Variants in AARS1 observed in about 807,000 individuals in gnomAD.
AARS1 encodes alanyl-tRNA synthetase 1.
Under a neutral mutation model 108.9 loss-of-function variants are expected in AARS1, and 72 were observed. The ratio of observed to expected loss-of-function variants is 0.66; its 90% CI spans 0.55 to 0.80. The LOEUF is 0.80. AARS1 is among the 30% of genes least tolerant of loss of function. The pLI is 0.00. For synonymous variants in AARS1, 489 were observed against 465.7 expected, an observed-to-expected ratio of 1.05 and a Z score of -0.64; for missense variants, 1,193 against 1,233.2, an observed-to-expected ratio of 0.97 and a Z score of 0.49.
chr16:70,268,379 T>C lies in AARS1; in HGVS notation c.963A>G (p.Gly321=), dbSNP rs775592737. 9.9e-6 allele frequency: 16 copies of C among 1,613,960 alleles called. No individual in the cohort carries two copies. The East Asian group carries it at 2.9e-4, about 29-fold the overall frequency. ...DGGRPDNTGR[G]YVLRRILRRA... ...GGCGGAGAATCCGTCTCAACACATA[T>C]CTGTAAGAGGCAAAAACTAGTCCCC... Residue 321 remains glycine (G), a splice_region_variant and synonymous_variant, in exon 8 of 21, where the codon GGA becomes GGG. Transcript: ENST00000261772.
intron 9 of AARS1, among the ~76,000 whole-genome samples, chr16:70,266,116 A>G (rs950864814): frequency 6.6e-6 from 1 of 152,112 alleles, no homozygotes. Context: ...GATCGAGACC[A>G]TCTTGGCCAA....
intron 6 of AARS1, 42 bp from the exon 7 acceptor site, chr16:70,269,805 T>C: frequency 1.2e-6 from 2 of 1,612,858 alleles, no homozygotes; most frequent in Non-Finnish European, 1.7e-6. Flanking sequence ...GGAAGCAGAC[T>C]TTCTGGCGCT....
In AARS1 at chr16:70,271,958, T is replaced by G; in HGVS notation, c.494A>C (p.Lys165Thr). 3 of 1,614,000 alleles carry G rather than the reference T, an allele frequency of 1.9e-6. No individual in the cohort carries two copies. The highest frequency in any genetic ancestry group is 2.5e-6 in the Non-Finnish European group (3 of 1,179,998). Reference sequence around the variant, plus strand: ...ATCCTTCATGTTGCCTGGGAGGATTTTGGTGTCATCCAGCCTGACAAAGGA... The same window carrying G: ...ATCCTTCATGTTGCCTGGGAGGATTGTGGTGTCATCCAGCCTGACAAAGGA... ...IWQNLGLDDT[K>T]ILPGNMKDNF... The change falls in exon 5 of 21, where the codon AAA (lysine) becomes ACA (threonine). Residue 165 changes from lysine to threonine, a missense_variant. Physicochemically the swap from Lys to Thr is moderately conservative, Grantham distance 78. Transcript: ENST00000261772.
chr16:70,272,074 G>C, intron 4 of AARS1, 102 bp from the exon 5 acceptor site: 3 of 1,081,136 alleles, frequency 2.8e-6, no homozygotes, highest in Non-Finnish European at 4.2e-6. Flanking sequence ...GCCGGGCACA[G>C]TGGCTCATGT....
chr16:70,266,443 C>G (rs1251973984), intron 9 of AARS1, among the ~76,000 whole-genome samples: 1 of 151,918 alleles, frequency 6.6e-6, no homozygotes, highest in Admixed American at 6.5e-5. Context: ...TTGCAGTGAG[C>G]TGAGATCACA....
At chr16:70,261,305 G>A (rs567080177) in intron 12 of AARS1, 148 bp from the exon 13 acceptor site, 2 of 581,244 alleles carry the variant, frequency 3.4e-6, no homozygotes, top group Non-Finnish European at 3.1e-6. Flanking sequence ...CATTAAATAT[G>A]ATTAAATAGG....
chr16:70,282,564 G>A, intron 2 of AARS1, 56 bp downstream of exon 2: 1 of 1,604,468 alleles, frequency 6.2e-7, no homozygotes, highest in Non-Finnish European at 8.5e-7. Flanking sequence ...GCTTTTATCT[G>A]GGCTCTGCTG....
chr16:70,281,550 C>T (rs1019518226), intron 2 of AARS1, among the ~76,000 whole-genome samples: 1 of 152,120 alleles, frequency 6.6e-6, no homozygotes, highest in South Asian at 2.1e-4. Context: ...CTTGTAGTTC[C>T]AGCTACTTCG....
At chr16:70,266,088 CG>C (rs1419422212) in intron 9 of AARS1, among the ~76,000 whole-genome samples, 1 of 151,946 alleles carries the variant, frequency 6.6e-6, no homozygotes, top group Non-Finnish European at 1.5e-5. Flanking sequence ...CCGAGGCGGG[CG>C]GATCAGGAGG....
chr16:70,258,188 T>C lies in AARS1; in HGVS notation c.2022A>G (p.Ala674=), dbSNP rs1344311047. ...KAVYTQDCPL[A]AAKAIQGLRA... is the part of the protein sequence containing the mutation. ...GTAGGCCCTGGATGGCTTTCGCTGCTGCCAGGGGGCAATCCTGGGTATAGA... is the reference window on the plus strand; with the variant it reads ...GTAGGCCCTGGATGGCTTTCGCTGCCGCCAGGGGGCAATCCTGGGTATAGA... The change falls in exon 15 of 21, where the codon GCA becomes GCG. Residue 674 remains alanine (A), a synonymous_variant. Transcript: ENST00000261772. 6.2e-7 allele frequency: 1 copy of C among 1,602,962 alleles called. No individual in the cohort carries two copies. The highest frequency in any genetic ancestry group is 1.1e-5 in the South Asian group (1 of 89,586).
At chr16:70,262,836 C>T (rs866562322) in intron 11 of AARS1, among the ~76,000 whole-genome samples, 1 of 151,440 alleles carries the variant, frequency 6.6e-6, no homozygotes, top group Non-Finnish European at 1.5e-5. Context: ...GGTGTGGTGG[C>T]GGGCACCTGT....
intron 15 of AARS1, among the ~76,000 whole-genome samples, chr16:70,256,323 G>A: frequency 6.6e-6 from 1 of 152,012 alleles, no homozygotes; most frequent in Non-Finnish European, 1.5e-5. Context: ...TGTTTGTTTT[G>A]AGACAGAGTC....
intron 2 of AARS1, among the ~76,000 whole-genome samples, chr16:70,281,538 C>T (rs977166339): frequency 2.0e-5 from 3 of 152,046 alleles, no homozygotes; most frequent in Admixed American, 6.6e-5. Flanking sequence ...TGGTGGCGCA[C>T]GCTTGTAGTT....
In AARS1 at chr16:70,277,034, C is replaced by T; in HGVS notation, c.265G>A (p.Gly89Ser). Residue 89 changes from glycine to serine, a missense_variant, in exon 3 of 21, where the codon GGC (glycine) becomes AGC (serine). Coordinates refer to ENST00000261772, the MANE Select transcript of AARS1 (RefSeq NM_001605.3). The part of the protein sequence containing the change: ...GGKHNDLDDV[G>S]KDVYHHTFFE... ...AAGGTGTGATGATAGACATCCTTGC[C>T]CACATCGTCCAGGTCATTATGTTTG... 1 of 1,614,132 alleles carries T rather than the reference C, an allele frequency of 6.2e-7. No homozygotes were observed. Among genetic ancestry groups the T allele is most frequent in the Non-Finnish European group, 8.5e-7 (1 of 1,180,026 alleles).
At chr16:70,268,687 T>C (rs1184839389) in intron 7 of AARS1, among the ~76,000 whole-genome samples, 2 of 152,158 alleles carry the variant, frequency 1.3e-5, no homozygotes, top group Non-Finnish European at 2.9e-5. Flanking sequence ...TGCCTGTCAG[T>C]AAGAGAGATT....
rs200582917 is a variant in AARS1 at position 70,277,144 on chromosome 16, A to G, written c.155T>C (p.Ile52Thr). The G allele has an allele frequency of 3.7e-6, 6 of 1,614,134 alleles. No individual in the cohort carries two copies. Among genetic ancestry groups the G allele is most frequent in the Non-Finnish European group, 5.1e-6 (6 of 1,180,022 alleles). The change falls in exon 3 of 21, where the codon ATT becomes ACT. Residue 52 changes from isoleucine to threonine, a missense_variant. Ile to Thr is a moderately conservative substitution (Grantham distance 89, BLOSUM62 -1). Coordinates refer to ENST00000261772, the MANE Select transcript of AARS1 (RefSeq NM_001605.3). ...ANAGMNQFKP[I>T]FLNTIDPSHP... ...AGATGGGTCAATTGTGTTCAGGAAA[A>G]TGGGTTTAAACTAAAAGAGAAGGAC...
chr16:70,265,152 G>C (rs1229017727), intron 10 of AARS1, 50 bp from the exon 11 acceptor site: 2 of 1,608,238 alleles, frequency 1.2e-6, no homozygotes, highest in Non-Finnish European at 1.7e-6. Context: ...GGAGAAAAGG[G>C]ACTCCAAAGG....
Position 70,254,000 on chromosome 16 carries a change from A to T in AARS1, c.2439T>A (p.Asp813Glu). Residue 813 changes from aspartate (D) to glutamate (E), a missense_variant, in exon 18 of 21, where the codon GAT (aspartate) becomes GAA (glutamate). Physicochemically the swap from Asp to Glu is conservative, Grantham distance 45. Transcript: ENST00000261772. Reference protein sequence around the residue: ...ATAVIPQWQKDELRETLKSLK... With the variant: ...ATAVIPQWQKEELRETLKSLK... Reference sequence around the variant, plus strand: ...GGGATTTGAGAGTCTCCCGCAATTCATCCTTCTGCCACTGGGGGATGACTG... The same window carrying T: ...GGGATTTGAGAGTCTCCCGCAATTCTTCCTTCTGCCACTGGGGGATGACTG... The T allele has an allele frequency of 6.2e-7, 1 of 1,614,084 alleles. No individual in the cohort carries two copies. Among genetic ancestry groups the T allele is most frequent in the Non-Finnish European group, 8.5e-7 (1 of 1,180,036 alleles).
At chr16:70,286,182 T>C (rs1445644851) in intron 1 of AARS1, among the ~76,000 whole-genome samples, 1 of 152,178 alleles carries the variant, frequency 6.6e-6, no homozygotes, top group African/African-American at 2.4e-5. Context: ...TCTAAATTTA[T>C]ATTTATTCGA....
Sources: gnomAD v4.1 joint callset for allele counts (sites outside exome capture counted in the v4.1 genomes callset) on GRCh38, gnomAD v4.1.1 for gene constraint, MANE v1.5 for transcripts, NCBI Gene and HGNC (gene_info 2026-07-23, HGNC 2026-07-21) for gene names.